Variants in CFAP46 observed in about 807,000 individuals in gnomAD.
CFAP46 encodes cilia and flagella associated protein 46, also known as cilia- and flagella-associated protein 46.
CFAP46 carries 245 observed loss-of-function variants against 325.7 expected under a neutral mutation model. That is an observed-to-expected ratio of 0.75 (90% CI 0.68 to 0.84). The LOEUF is 0.84. CFAP46 is among the 40% of genes least tolerant of loss of function. CFAP46 has a pLI of 0.00. For synonymous variants in CFAP46, 1,523 were observed against 1,495.9 expected (o/e 1.02, Z -0.42); for missense variants, 3,346 against 3,543.0 (o/e 0.94, Z 1.41).
chr10:132,836,783 TG>T (rs1171717342), intron 45 of CFAP46, 33 bp downstream of exon 45: 4 of 1,572,110 alleles, frequency 2.5e-6, no homozygotes, highest in Non-Finnish European at 3.5e-6. Flanking sequence ...CTCAGCGGGC[TG>T]GGGGCGGCCT....
chr10:132,908,570 C>A lies in CFAP46; in HGVS notation c.2822G>T (p.Arg941Leu), dbSNP rs1014224416. Residue 941 changes from arginine to leucine, a missense_variant, in exon 22 of 58, where the codon CGG (arginine) becomes CTG (leucine). Arg to Leu is a moderately radical substitution (Grantham distance 102, BLOSUM62 -2). Transcript: ENST00000368586. Reference sequence around the variant, plus strand: ...CGCTGCATGGGCGAAGTGGGTCAGCCGCGTCAGGGTCTGCAGCTCCACCAG... The same window carrying A: ...CGCTGCATGGGCGAAGTGGGTCAGCAGCGTCAGGGTCTGCAGCTCCACCAG... ...DPLVELQTLT[R>L]LTHFAHAARD... 1 of 1,550,304 alleles carries A rather than the reference C, an allele frequency of 6.5e-7. No homozygotes were observed. The highest frequency in any genetic ancestry group is 1.2e-5 in the South Asian group (1 of 84,038).
intron 27 of CFAP46, among the ~76,000 whole-genome samples, chr10:132,882,016 T>A (rs531604264): frequency 6.8e-6 from 1 of 147,322 alleles, no homozygotes; most frequent in South Asian, 2.2e-4. Context: ...GTGTGTGGGA[T>A]GTAAGGGGTG....
intron 22 of CFAP46, among the ~76,000 whole-genome samples, chr10:132,903,392 A>T (rs556758402): frequency 1.3e-5 from 2 of 152,086 alleles, no homozygotes; most frequent in South Asian, 4.2e-4. Context: ...CATCCTGGAC[A>T]CCTCAGCTGC....
rs991024737 is a variant in CFAP46 at position 132,884,800 on chromosome 10, G to T, written c.3627+303C>A. 6.6e-6 allele frequency among the ~76,000 whole-genome samples: 1 copy of T among 152,094 alleles called. No individual in the cohort carries two copies. The highest frequency in any genetic ancestry group is 1.9e-4 in the East Asian group (1 of 5,148). On this transcript the variant is annotated intron_variant, in intron 27 of 57. Coordinates refer to ENST00000368586, the MANE Select transcript of CFAP46 (RefSeq NM_001200049.3). The surrounding 1 kb of genome is among the most constrained non-coding windows in gnomAD (Gnocchi z 5.4). ...CATCGGGGCCCTGGTGCCACCAGGG[G>T]AGCCTGGGCGCTTCCACTTGGGGCA...
intron 54 of CFAP46, among the ~76,000 whole-genome samples, 173 bp from the exon 55 acceptor site, chr10:132,813,070 T>C (rs372503039): frequency 1.3e-5 from 2 of 152,136 alleles, no homozygotes; most frequent in African/African-American, 4.8e-5. Context: ...TGTGCTCTGA[T>C]CACAGGGGTC....
chr10:132,885,876 C>G lies in CFAP46; in HGVS notation c.3388G>C (p.Gly1130Arg). The G allele has an allele frequency of 6.5e-7, 1 of 1,549,996 alleles. No homozygotes were observed. The highest frequency in any genetic ancestry group is 8.7e-7 in the Non-Finnish European group (1 of 1,146,796). ...ACAGCCTCGTCCAGCACCTTGAGGC[C>G]GCCCTCCCAGTCGTCCTGGTCGGCA... ...SHADQDDWEG[G>R]LKVLDEAVQV... The change falls in exon 26 of 58, where the codon GGC becomes CGC. Residue 1130 changes from glycine to arginine, a missense_variant. Coordinates refer to ENST00000368586, the MANE Select transcript of CFAP46 (RefSeq NM_001200049.3).
Position 132,832,395 on chromosome 10 carries a change from C to CCCG in CFAP46, c.7117+962_7117+963insCGG, listed in dbSNP as rs1554876275. On this transcript the variant is annotated intron_variant, in intron 50 of 57. Coordinates refer to ENST00000368586, the MANE Select transcript of CFAP46 (RefSeq NM_001200049.3). This position sits in a 1 kb window ranked among gnomAD's most constrained non-coding sequence, Gnocchi z 4.1. ...GACCCCTGGGCTCTTCCTGCCCCCC[C>CCCG]CCCCCAATGCTGTGGCCTGGAAATT... Among the ~76,000 whole-genome samples the CCCG allele has an allele frequency of 1.2e-4, 17 of 140,812 alleles. 1 individual carries two copies. Among genetic ancestry groups the CCCG allele is most frequent in the African/African-American group, 3.5e-4 (13 of 37,652 alleles). The allele number at this position is 140,812 out of a possible 152,430, so 92.4% of individuals were successfully genotyped here.
At chr10:132,844,591 G>A (rs1193693523) in intron 44 of CFAP46, among the ~76,000 whole-genome samples, 1 of 152,194 alleles carries the variant, frequency 6.6e-6, no homozygotes, top group Non-Finnish European at 1.5e-5. Flanking sequence ...AGGAGGGCCT[G>A]AGGAGTGGTG....
chr10:132,927,913 A>G (rs1418401100), intron 9 of CFAP46, among the ~76,000 whole-genome samples: 1 of 152,218 alleles, frequency 6.6e-6, no homozygotes. Context: ...GTTTACCTAG[A>G]GAAGGTCGCT....
chr10:132,909,095 C>T, intron 21 of CFAP46, 42 bp downstream of exon 21: 1 of 1,440,670 alleles, frequency 6.9e-7, no homozygotes. Flanking sequence ...GGCGTCCTCG[C>T]CTCTTGGCCC....
intron 50 of CFAP46, among the ~76,000 whole-genome samples, chr10:132,823,537 CTGTGTGCTGTGTGCTGATGTGTGCTGA>C: frequency 2.8e-5 from 2 of 72,470 alleles, no homozygotes; most frequent in African/African-American, 1.0e-4. Flanking sequence ...GCTGTGTGCG[CTGTGTGCTGTGTGCTGATGTGTGCTGA>C]TGTGTGCTGT....
At position 132,939,026 on chromosome 10, in the gene CFAP46, C is replaced by T. The variant is rs1850058366; in HGVS notation, c.372-273G>A. Among the ~76,000 whole-genome samples the T allele has an allele frequency of 6.6e-6, 1 of 152,184 alleles. No individual in the cohort carries two copies. On this transcript the variant is annotated intron_variant, in intron 4 of 57. Transcript: ENST00000368586. The surrounding 1 kb of genome is among the most constrained non-coding windows in gnomAD (Gnocchi z 4.6). ...GCTGTGATGACCCGGCCACAGGCTC[C>T]CGAGTCCAGACCAGGGCCTTCTTCA...
chr10:132,889,222 G>A lies in CFAP46; in HGVS notation c.3304+3111C>T, dbSNP rs1000558221. Among the ~76,000 whole-genome samples, 23 of 152,132 alleles carry A rather than the reference G, an allele frequency of 1.5e-4. No homozygotes were observed. Among genetic ancestry groups the A allele is most frequent in the African/African-American group, 5.5e-4 (23 of 41,500 alleles). On this transcript the variant is annotated intron_variant, in intron 25 of 57. Coordinates refer to ENST00000368586, the MANE Select transcript of CFAP46 (RefSeq NM_001200049.3). The surrounding 1 kb of genome is among the most constrained non-coding windows in gnomAD (Gnocchi z 6.0). ...GGACCCGCCTCTGGTGCCAGCACCT[G>A]GACCACCGAGGCTTACGTCACAGAG...
intron 50 of CFAP46, among the ~76,000 whole-genome samples, chr10:132,815,160 C>A (rs1847669353): frequency 6.6e-6 from 1 of 152,240 alleles, no homozygotes; most frequent in South Asian, 2.1e-4. Context: ...GCCCACCTGG[C>A]TGACCATTCA....
At position 132,846,894 on chromosome 10, in the gene CFAP46, G is replaced by C. The variant is rs550263478; in HGVS notation, c.6267+38C>G. 19 of 1,577,150 alleles carry C rather than the reference G, an allele frequency of 1.2e-5. 1 individual carries two copies. In the South Asian group the frequency reaches 2.0e-4, roughly 17 times the overall value. ...AAGCCCAGGGTCCTCCCTCCTCCAT[G>C]AAGGGCCTGGCTGGAGGTGGGCAGG... On this transcript the variant is annotated intron_variant, in intron 43 of 57. Coordinates refer to ENST00000368586, the MANE Select transcript of CFAP46 (RefSeq NM_001200049.3).
chr10:132,936,832 C>T (rs898818683), intron 7 of CFAP46, 129 bp downstream of exon 7: 1 of 461,756 alleles, frequency 2.2e-6, no homozygotes, highest in Non-Finnish European at 3.7e-6. Context: ...TATTCTCCAG[C>T]CCCACTCACT....
Position 132,814,157 on chromosome 10 carries a change from A to G in CFAP46, c.7383T>C (p.Phe2461=), listed in dbSNP as rs777163287. 26 of 1,613,418 alleles carry G rather than the reference A, an allele frequency of 1.6e-5. No individual in the cohort carries two copies. Among genetic ancestry groups the G allele is most frequent in the East Asian group, 4.5e-5 (2 of 44,888 alleles). Residue 2461 remains phenylalanine, a synonymous_variant, in exon 54 of 58, where the codon TTT becomes TTC. Transcript: ENST00000368586. ...CTGGGAGCCCAGATCCGAACCTGGG[A>G]AAGTGCTTGCTTCCCAGATGTCCCG... ...RWAGHLGSKH[F]PSQAQWEQAL...
In CFAP46 at chr10:132,902,494, A is replaced by C. The variant is rs78813325; in HGVS notation, c.2925-2828T>G. Among the ~76,000 whole-genome samples the C allele has an allele frequency of 1.4e-4, 21 of 152,232 alleles. No homozygotes were observed. In the East Asian group the frequency reaches 3.3e-3, roughly 24 times the overall value. Reference sequence around the variant, plus strand: ...AGGAATTCCATTCAGTGATTTTATTATCGGTTCCATTCTTTATTGAAATTC... The same window carrying C: ...AGGAATTCCATTCAGTGATTTTATTCTCGGTTCCATTCTTTATTGAAATTC... On this transcript the variant is annotated intron_variant, in intron 22 of 57. Coordinates refer to ENST00000368586, the MANE Select transcript of CFAP46 (RefSeq NM_001200049.3).
rs138871633 is a variant in CFAP46, at chr10:132,810,425, G to A, written c.7648C>T (p.Arg2550Ter). 7.3e-4 allele frequency: 1,176 copies of A among 1,613,376 alleles called. 5 individuals carry two copies. In the South Asian group the frequency reaches 7.4e-3, roughly 10 times the overall value. ...SASPSEDEWR[R>*]GGEPRRGFSD... Reference sequence around the variant, plus strand: ...CTCCCTTACCTTGGTTCACCGCCTCGTCGCCACTCATCTTCTGAAGGAGAC... The same window carrying A: ...CTCCCTTACCTTGGTTCACCGCCTCATCGCCACTCATCTTCTGAAGGAGAC... The change falls in exon 57 of 58, where the codon CGA (arginine) becomes TGA (stop). Residue 2550 changes from arginine to a stop codon, truncating the protein, a stop_gained. Transcript: ENST00000368586. LOFTEE classifies it low-confidence loss of function (END_TRUNC).
Sources: allele counts gnomAD v4.1 joint callset (sites outside exome capture counted in the v4.1 genomes callset), GRCh38; gene constraint gnomAD v4.1.1; non-coding constraint Gnocchi (gnomAD v3.1); transcripts MANE v1.5; gene names NCBI Gene and HGNC (gene_info 2026-07-23, HGNC 2026-07-21).